PPM1E: variants seen among roughly 807,000 people sequenced by gnomAD.
PPM1E encodes protein phosphatase, Mg2+/Mn2+ dependent 1E.
Under a neutral mutation model 65.9 loss-of-function variants are expected in PPM1E, and 20 were observed. That is an observed-to-expected ratio of 0.30 (90% CI 0.21 to 0.44). The LOEUF (loss-of-function observed/expected upper bound fraction) is 0.44, where lower values mean the gene tolerates loss of function less well. Ranked by LOEUF, PPM1E falls within the 20% of genes least tolerant of loss-of-function variation. The probability of loss-of-function intolerance (pLI) is 1.00; values close to 1 mark genes in which losing one functional copy is unlikely to be tolerated. For synonymous variants in PPM1E, 352 were observed against 374.9 expected, an observed-to-expected ratio of 0.94 and a Z score of 0.70; for missense variants, 713 against 953.1, an observed-to-expected ratio of 0.75 and a Z score of 3.32.
At chr17:58,854,677 A>G (rs1017375502) in intron 1 of PPM1E, among the ~76,000 whole-genome samples, 10 of 151,438 alleles carry the variant, frequency 6.6e-5, no homozygotes, top group Non-Finnish European at 1.5e-5. Context: ...TTTTTCCTTC[A>G]TTTTGTTAAT....
chr17:58,875,290 G>T (rs1237077934), intron 1 of PPM1E, among the ~76,000 whole-genome samples: 1 of 152,160 alleles, frequency 6.6e-6, no homozygotes, highest in Non-Finnish European at 1.5e-5. Flanking sequence ...AAGGAAGAAG[G>T]AGAATTTGGG....
intron 1 of PPM1E, among the ~76,000 whole-genome samples, chr17:58,775,577 A>G (rs2049985362): frequency 6.6e-6 from 1 of 152,136 alleles, no homozygotes; most frequent in Non-Finnish European, 1.5e-5. Context: ...TTTTAATGCT[A>G]TTCTTACTTT....
intron 1 of PPM1E, among the ~76,000 whole-genome samples, chr17:58,883,483 C>CTTTT (rs71143299): frequency 3.6e-5 from 4 of 111,920 alleles, no homozygotes; most frequent in South Asian, 2.9e-4. Flanking sequence ...GCTGCCTGTT[C>CTTTT]TTTTTTTTTT....
intron 1 of PPM1E, chr17:58,897,712 T>C (rs2051440165): frequency 6.6e-6 from 1 of 152,234 alleles, no homozygotes; most frequent in African/African-American, 2.4e-5. Flanking sequence ...CATTTGTGCT[T>C]TGCCACTGCT....
At chr17:58,910,095 G>T (rs2051609098) in intron 1 of PPM1E, among the ~76,000 whole-genome samples, 1 of 151,654 alleles carries the variant, frequency 6.6e-6, no homozygotes, top group African/African-American at 2.4e-5. Flanking sequence ...TAGAGAAGGG[G>T]TTTTGCCATG....
chr17:58,768,911 C>T (rs950140573), intron 1 of PPM1E, among the ~76,000 whole-genome samples: 1 of 152,122 alleles, frequency 6.6e-6, no homozygotes, highest in African/African-American at 2.4e-5. Context: ...TCAGGTGTTC[C>T]ACCTGCCTCA....
chr17:58,787,285 T>C (rs914022584), intron 1 of PPM1E, among the ~76,000 whole-genome samples: 7 of 152,222 alleles, frequency 4.6e-5, no homozygotes, highest in African/African-American at 1.7e-4. Context: ...GATGGCAAGA[T>C]TCCCACAGTA....
At chr17:58,809,674 T>C (rs1019598694) in intron 1 of PPM1E, among the ~76,000 whole-genome samples, 2 of 152,124 alleles carry the variant, frequency 1.3e-5, no homozygotes, top group Non-Finnish European at 2.9e-5. Context: ...TGAGCCACTG[T>C]GCCCAGCCCC....
intron 1 of PPM1E, among the ~76,000 whole-genome samples, chr17:58,803,236 C>T (rs1413217641): frequency 4.6e-5 from 7 of 152,186 alleles, no homozygotes; most frequent in East Asian, 1.9e-4. Flanking sequence ...CTGTATTATA[C>T]GAAGGTACAT....
At chr17:58,842,187 T>C (rs2050726397) in intron 1 of PPM1E, among the ~76,000 whole-genome samples, 1 of 152,080 alleles carries the variant, frequency 6.6e-6, no homozygotes, top group African/African-American at 2.4e-5. Flanking sequence ...GTAGTATACC[T>C]GACCAGAACT....
chr17:58,924,784 G>A (rs528456855), intron 1 of PPM1E, among the ~76,000 whole-genome samples: 1 of 137,076 alleles, frequency 7.3e-6, no homozygotes, highest in Non-Finnish European at 1.5e-5. Context: ...GTGTCCATGT[G>A]TTCTCCTTGT....
At chr17:58,767,899 C>T (rs1400038278) in intron 1 of PPM1E, among the ~76,000 whole-genome samples, 2 of 152,104 alleles carry the variant, frequency 1.3e-5, no homozygotes, top group Non-Finnish European at 2.9e-5. Context: ...ACCTCGGCCT[C>T]CCAAAGTGCT....
At chr17:58,946,252 AG>A (rs978805443) in intron 1 of PPM1E, among the ~76,000 whole-genome samples, 2 of 152,212 alleles carry the variant, frequency 1.3e-5, no homozygotes, top group African/African-American at 4.8e-5. Context: ...GGAAATAAAA[AG>A]GGTTTTAGGG....
chr17:58,970,081 T>C (rs1303903566), intron 4 of PPM1E, among the ~76,000 whole-genome samples: 1 of 152,204 alleles, frequency 6.6e-6, no homozygotes, highest in Non-Finnish European at 1.5e-5. Context: ...GATCTGGATA[T>C]GGTGAATAAA....
intron 1 of PPM1E, among the ~76,000 whole-genome samples, chr17:58,922,637 T>G (rs1471748144): frequency 6.6e-6 from 1 of 152,074 alleles, no homozygotes; most frequent in African/African-American, 2.4e-5. Flanking sequence ...TTATTATTAT[T>G]TCTAGGTTTT....
At chr17:58,867,056 C>T (rs1205144528) in intron 1 of PPM1E, among the ~76,000 whole-genome samples, 1 of 152,226 alleles carries the variant, frequency 6.6e-6, no homozygotes, top group African/African-American at 2.4e-5. Flanking sequence ...TCTCGGCTCA[C>T]TGCAACCTCC....
chr17:58,847,253 G>A (rs543364390), intron 1 of PPM1E, among the ~76,000 whole-genome samples: 1 of 152,038 alleles, frequency 6.6e-6, no homozygotes, highest in Admixed American at 6.5e-5. Flanking sequence ...TTCTTTTGCT[G>A]TGCAGAAGCT....
intron 1 of PPM1E, among the ~76,000 whole-genome samples, chr17:58,953,474 A>T (rs2052268624): frequency 6.6e-6 from 1 of 152,160 alleles, no homozygotes; most frequent in Admixed American, 6.5e-5. Flanking sequence ...TAATGGCACA[A>T]AAATTAACTC....
chr17:58,838,394 A>G (rs1354870088), intron 1 of PPM1E, among the ~76,000 whole-genome samples: 1 of 152,238 alleles, frequency 6.6e-6, no homozygotes, highest in Non-Finnish European at 1.5e-5. Context: ...ACCTCAATAA[A>G]GAAAATGTAG....
Sources: gnomAD v4.1 joint callset for allele counts (sites outside exome capture counted in the v4.1 genomes callset) on GRCh38, gnomAD v4.1.1 for gene constraint, MANE v1.5 for transcripts, NCBI Gene and HGNC (gene_info 2026-07-23, HGNC 2026-07-21) for gene names.